Variants in C12orf60 observed in about 807,000 individuals in gnomAD.
C12orf60 encodes the protein uncharacterized protein C12orf60.
For synonymous variants in C12orf60, 102 were observed against 94.6 expected (o/e 1.08, Z -0.45); for missense variants, 284 against 283.2 (o/e 1.00, Z -0.02).
chr12:14,819,331 C>T (rs1187742670), intron 1 of C12orf60, among the ~76,000 whole-genome samples: 4 of 151,848 alleles, frequency 2.6e-5, no homozygotes, highest in Admixed American at 6.6e-5. Flanking sequence ...TGATTGGTTC[C>T]CTATTGTTCA....
At chr12:14,806,236 C>A (rs558247382) in intron 1 of C12orf60, 1 of 1,614,186 alleles carries the variant, frequency 6.2e-7, no homozygotes, top group Admixed American at 1.7e-5. Context: ...AACACAGTGA[C>A]CAACTTGTTA....
At chr12:14,805,816 TC>T (rs1196449097) in intron 1 of C12orf60, 7 of 656,804 alleles carry the variant, frequency 1.1e-5, no homozygotes, top group Admixed American at 6.3e-5. Context: ...CATCAGCTGA[TC>T]CAGGCATTGT....
In C12orf60 at chr12:14,823,780, C is replaced by T. The variant is rs533854829; in HGVS notation, c.*107C>T. ...GTGCCAAACATGTGCTATGTTAGAA[C>T]ATAAGTACACAAAAGTCATCTGGCA... On this transcript the variant is annotated 3_prime_UTR_variant, in exon 2 of 2. Transcript: ENST00000330828. 8.7e-6 allele frequency: 9 copies of T among 1,035,948 alleles called. No homozygotes were observed. The East Asian group carries it at 2.2e-4, about 26-fold the overall frequency. The allele number at this position is 1,035,948 out of a possible 1,614,324, so 64.2% of individuals were successfully genotyped here.
chr12:14,823,054 GTA>G lies in C12orf60; in HGVS notation c.121_122del (p.Met41GlufsTer13). The G allele has an allele frequency of 6.2e-7, 1 of 1,614,116 alleles. No homozygotes were observed. Among genetic ancestry groups the G allele is most frequent in the Non-Finnish European group, 8.5e-7 (1 of 1,179,980 alleles). On this transcript the variant is annotated frameshift_variant, in exon 2 of 2. Transcript: ENST00000330828. LOFTEE classifies it low-confidence loss of function (END_TRUNC). The stretch of plus-strand genomic sequence containing the variant: ...ACACTGACTGAATTGTTTAGCCGCA[GTA>G]TGAATACTCAAATCCTTTTGATGGC...
intron 1 of C12orf60, among the ~76,000 whole-genome samples, chr12:14,814,448 G>T (rs563440177): frequency 1.3e-5 from 2 of 152,108 alleles, no homozygotes; most frequent in Non-Finnish European, 2.9e-5. Context: ...CTATATAACT[G>T]AGCTAATTCA....
chr12:14,813,934 A>G (rs1220465744), intron 1 of C12orf60, among the ~76,000 whole-genome samples: 1 of 152,156 alleles, frequency 6.6e-6, no homozygotes, highest in Non-Finnish European at 1.5e-5. Context: ...TGCTGTCTTC[A>G]GAGAAGGCAC....
At position 14,810,910 on chromosome 12, in the gene C12orf60, G is replaced by A. The variant is rs563044084; in HGVS notation, c.-25+7159G>A. Among the ~76,000 whole-genome samples, 17 of 152,212 alleles carry A rather than the reference G, an allele frequency of 1.1e-4. No homozygotes were observed. In the South Asian group the frequency reaches 3.3e-3, roughly 30 times the overall value. On this transcript the variant is annotated intron_variant, in intron 1 of 1. Transcript: ENST00000330828. ...TTTGGAGTCACCCTTCTTAAAGATC[G>A]TAGTTGTTACTCAGGCAAGCTTCAA...
chr12:14,818,740 G>A (rs750372748), intron 1 of C12orf60, among the ~76,000 whole-genome samples: 6 of 152,076 alleles, frequency 3.9e-5, no homozygotes, highest in East Asian at 1.9e-4. Context: ...CTGAGATTGC[G>A]TCACTGCACG....
intron 1 of C12orf60, among the ~76,000 whole-genome samples, chr12:14,815,409 A>G (rs1950200291): frequency 6.6e-6 from 1 of 152,214 alleles, no homozygotes; most frequent in African/African-American, 2.4e-5. Flanking sequence ...CACTGAGAGC[A>G]AAGGAGCTGA....
At chr12:14,820,323 C>G (rs1334584218) in intron 1 of C12orf60, among the ~76,000 whole-genome samples, 1 of 151,752 alleles carries the variant, frequency 6.6e-6, no homozygotes, top group Non-Finnish European at 1.5e-5. Context: ...TGGATTTTAT[C>G]TATTTTTTCT....
chr12:14,818,607 C>A (rs1950259073), intron 1 of C12orf60, among the ~76,000 whole-genome samples: 1 of 152,018 alleles, frequency 6.6e-6, no homozygotes, highest in South Asian at 2.1e-4. Context: ...GGTGAAACCT[C>A]TTCTCTACTA....
intron 1 of C12orf60, among the ~76,000 whole-genome samples, chr12:14,812,735 T>C (rs1950160285): frequency 6.6e-6 from 1 of 151,966 alleles, no homozygotes; most frequent in Non-Finnish European, 1.5e-5. Flanking sequence ...AGCAGGATAC[T>C]GGGTATCCTG....
intron 1 of C12orf60, among the ~76,000 whole-genome samples, chr12:14,808,658 A>G (rs750688447): frequency 2.6e-5 from 4 of 152,212 alleles, no homozygotes; most frequent in Non-Finnish European, 4.4e-5. Context: ...TTTTTCTGAA[A>G]TGGTTTAGGA....
chr12:14,813,176 TAAAA>T (rs995237946), intron 1 of C12orf60, among the ~76,000 whole-genome samples: 1 of 152,124 alleles, frequency 6.6e-6, no homozygotes, highest in Non-Finnish European at 1.5e-5. Context: ...TTATAACAAA[TAAAA>T]AAGAAAGAAA....
intron 1 of C12orf60, among the ~76,000 whole-genome samples, chr12:14,821,816 G>A (rs573706845): frequency 1.3e-5 from 2 of 152,032 alleles, no homozygotes; most frequent in African/African-American, 4.8e-5. Context: ...TCACCTGGGG[G>A]CAAAGCAGTG....
intron 1 of C12orf60, among the ~76,000 whole-genome samples, chr12:14,809,040 T>C (rs1450257107): frequency 6.6e-6 from 1 of 152,242 alleles, no homozygotes; most frequent in Non-Finnish European, 1.5e-5. Context: ...TATTATGAAG[T>C]GAAAACTCTA....
chr12:14,819,950 C>G (rs1014385690), intron 1 of C12orf60, among the ~76,000 whole-genome samples: 5 of 151,910 alleles, frequency 3.3e-5, no homozygotes, highest in Non-Finnish European at 7.4e-5. Flanking sequence ...AATTGTTATT[C>G]TTTTTTAAAT....
chr12:14,823,132 T>A lies in C12orf60; in HGVS notation c.197T>A (p.Ile66Asn), dbSNP rs1950332030. Residue 66 changes from isoleucine (I) to asparagine (N), a missense_variant, in exon 2 of 2, where the codon ATT (isoleucine) becomes AAT (asparagine). Coordinates refer to ENST00000330828, the MANE Select transcript of C12orf60 (RefSeq NM_175874.4). Reference sequence around the variant, plus strand: ...GATTTTTTTGAGCAAATGCTCAAAATTTTTAAGGAGATGCAATCTGTAGTG... The same window carrying A: ...GATTTTTTTGAGCAAATGCTCAAAAATTTTAAGGAGATGCAATCTGTAGTG... ...IKDFFEQMLK[I>N]FKEMQSVVDA... 1.2e-6 allele frequency: 2 copies of A among 1,614,152 alleles called. No individual in the cohort carries two copies. The highest frequency in any genetic ancestry group is 1.1e-5 in the South Asian group (1 of 91,088).
intron 1 of C12orf60, among the ~76,000 whole-genome samples, chr12:14,816,492 C>A (rs930168294): frequency 6.6e-6 from 1 of 151,900 alleles, no homozygotes; most frequent in Non-Finnish European, 1.5e-5. Context: ...CCTTTTTGAC[C>A]CAATAGCCTC....
Sources: gnomAD v4.1 joint callset for allele counts (sites outside exome capture counted in the v4.1 genomes callset) on GRCh38, gnomAD v4.1.1 for gene constraint, MANE v1.5 for transcripts, NCBI Gene and HGNC (gene_info 2026-07-23, HGNC 2026-07-21) for gene names.